Variants in TAOK3 observed in about 807,000 individuals in gnomAD.
The protein encoded by TAOK3 is TAO kinase 3.
A neutral mutation model predicts 120.4 loss-of-function variants in TAOK3; 40 were observed. The observed-to-expected ratio is 0.33, with a 90% CI of 0.26 to 0.43. The LOEUF (loss-of-function observed/expected upper bound fraction) is 0.43, where lower values mean the gene tolerates loss of function less well. Ranked by LOEUF, TAOK3 falls within the 20% of genes least tolerant of loss-of-function variation. The pLI is 1.00. For synonymous variants in TAOK3, 355 were observed against 387.5 expected (o/e 0.92, Z 0.99); for missense variants, 821 against 1,112.1 (o/e 0.74, Z 3.72).
chr12:118,220,422 T>C (rs2039172678), intron 9 of TAOK3, among the ~76,000 whole-genome samples: 1 of 151,702 alleles, frequency 6.6e-6, no homozygotes, highest in African/African-American at 2.4e-5. Flanking sequence ...AGTAAGTAAT[T>C]ACAAAATTAC....
intron 1 of TAOK3, among the ~76,000 whole-genome samples, chr12:118,291,483 A>G (rs1566072590): frequency 6.6e-6 from 1 of 152,068 alleles, no homozygotes; most frequent in African/African-American, 2.4e-5. Context: ...TTTAAAAGGA[A>G]TTATAGTAAA....
intron 12 of TAOK3, chr12:118,199,473 G>C (rs967536319): frequency 1.7e-6 from 1 of 577,212 alleles, no homozygotes; most frequent in African/African-American, 1.9e-5. Context: ...CATTCTGGAC[G>C]TGGGTCATAA....
intron 1 of TAOK3, among the ~76,000 whole-genome samples, chr12:118,317,325 G>C (rs1327337913): frequency 7.9e-6 from 1 of 126,252 alleles, no homozygotes; most frequent in Non-Finnish European, 1.6e-5. Context: ...TTTTTAGACA[G>C]TCTTGCTCTG....
intron 14 of TAOK3, 143 bp downstream of exon 14, chr12:118,189,664 G>A: frequency 9.8e-7 from 1 of 1,022,582 alleles, no homozygotes; most frequent in Non-Finnish European, 1.4e-6. Flanking sequence ...TTCCTAAAAT[G>A]AATAAAATTA....
At chr12:118,338,562 CG>C (rs1463754310) in intron 1 of TAOK3, among the ~76,000 whole-genome samples, 2 of 151,618 alleles carry the variant, frequency 1.3e-5, no homozygotes, top group Non-Finnish European at 2.9e-5. Context: ...CCGAGGTGGG[CG>C]GATCACAAGG....
At chr12:118,320,978 G>T (rs956609114) in intron 1 of TAOK3, among the ~76,000 whole-genome samples, 1 of 152,062 alleles carries the variant, frequency 6.6e-6, no homozygotes, top group Non-Finnish European at 1.5e-5. Context: ...TCCTACTAAA[G>T]TACTGTTAAG....
In TAOK3 at chr12:118,199,032, A is replaced by C. The variant is rs1366630574; in HGVS notation, c.1194+19T>G. On this transcript the variant is annotated intron_variant, in intron 13 of 20. Coordinates refer to ENST00000392533, the MANE Select transcript of TAOK3 (RefSeq NM_016281.4). The stretch of plus-strand genomic sequence containing the variant: ...TGATTGACAAAGCTCACCTCTGTGG[A>C]GGGTACCAAGAAACCTACTTTCTTA... 1 of 1,613,556 alleles carries C rather than the reference A, an allele frequency of 6.2e-7. No homozygotes were observed. The highest frequency in any genetic ancestry group is 8.5e-7 in the Non-Finnish European group (1 of 1,179,602).
chr12:118,322,757 G>A (rs1245545163), intron 1 of TAOK3, among the ~76,000 whole-genome samples: 1 of 117,904 alleles, frequency 8.5e-6, no homozygotes, highest in African/African-American at 3.4e-5. Flanking sequence ...ACGGAGTCTC[G>A]CTCTGTTGCT....
intron 1 of TAOK3, among the ~76,000 whole-genome samples, chr12:118,292,580 A>G (rs1593436946): frequency 6.6e-6 from 1 of 152,204 alleles, no homozygotes; most frequent in East Asian, 1.9e-4. Context: ...TCTGAGGCCC[A>G]ACTTCACAGA....
At chr12:118,311,601 C>A (rs1593499134) in intron 1 of TAOK3, among the ~76,000 whole-genome samples, 1 of 146,268 alleles carries the variant, frequency 6.8e-6, no homozygotes, top group South Asian at 2.3e-4. Context: ...AAGAATAAGT[C>A]TCATTTAGAG....
chr12:118,305,847 G>A (rs1455614084), intron 1 of TAOK3, among the ~76,000 whole-genome samples: 1 of 148,156 alleles, frequency 6.7e-6, no homozygotes, highest in Admixed American at 6.9e-5. Flanking sequence ...GAGTTTGCAT[G>A]AGCTGAGATC....
intron 1 of TAOK3, among the ~76,000 whole-genome samples, chr12:118,297,322 T>G (rs2042721624): frequency 6.6e-6 from 1 of 152,220 alleles, no homozygotes; most frequent in African/African-American, 2.4e-5. Context: ...GTTACAGTGT[T>G]AAACTTTATG....
chr12:118,200,057 T>A (rs1165940293), intron 12 of TAOK3: 1 of 152,182 alleles, frequency 6.6e-6, no homozygotes, highest in Non-Finnish European at 1.5e-5. Flanking sequence ...TTTAATAAAC[T>A]GTTACTTAGC....
At position 118,182,625 on chromosome 12, in the gene TAOK3, T is replaced by TATATATATATA. The variant is rs35580550; in HGVS notation, c.1330-1019_1330-1018insTATATATATAT. ...TATATATATATATATATATATATAT[T>TATATATATATA]TTTTTTTTTTTTTAAGGATCATGTC... On this transcript the variant is annotated intron_variant, in intron 14 of 20. Transcript: ENST00000392533. Among the ~76,000 whole-genome samples the TATATATATATA allele has an allele frequency of 1.8e-4, 10 of 57,134 alleles. No homozygotes were observed. In the South Asian group the frequency reaches 2.0e-3, roughly 12 times the overall value. The allele number at this position is 57,134 out of a possible 152,430, so 37.5% of individuals were successfully genotyped here.
chr12:118,291,744 C>A (rs755395966), intron 1 of TAOK3, among the ~76,000 whole-genome samples: 23 of 152,004 alleles, frequency 1.5e-4, no homozygotes, highest in Non-Finnish European at 2.5e-4. Context: ...ATTTATAAAC[C>A]CCCTTGCAGT....
intron 9 of TAOK3, among the ~76,000 whole-genome samples, chr12:118,229,398 C>T (rs756657930): frequency 5.3e-5 from 8 of 152,024 alleles, no homozygotes. Context: ...CCGCATCTGG[C>T]CAGCTTTTTC....
At chr12:118,313,299 C>T (rs1279050393) in intron 1 of TAOK3, among the ~76,000 whole-genome samples, 1 of 150,274 alleles carries the variant, frequency 6.7e-6, no homozygotes, top group South Asian at 2.1e-4. Flanking sequence ...TTTTTGAGAC[C>T]GAGTTTTTGC....
intron 9 of TAOK3, among the ~76,000 whole-genome samples, chr12:118,217,056 T>C (rs891144751): frequency 6.6e-6 from 1 of 152,228 alleles, no homozygotes; most frequent in Admixed American, 6.5e-5. Flanking sequence ...ATCTGATCTC[T>C]AGTTTCATCA....
chr12:118,244,571 C>T (rs1302536615), intron 4 of TAOK3, among the ~76,000 whole-genome samples: 1 of 148,892 alleles, frequency 6.7e-6, no homozygotes, highest in Admixed American at 6.7e-5. Flanking sequence ...CTCTGTCACC[C>T]AGGCTGGAGT....
Sources: gnomAD v4.1 joint callset for allele counts (sites outside exome capture counted in the v4.1 genomes callset) on GRCh38, gnomAD v4.1.1 for gene constraint, MANE v1.5 for transcripts, NCBI Gene and HGNC (gene_info 2026-07-23, HGNC 2026-07-21) for gene names.